The following OSBPL9 variants were observed in gnomAD, a reference collection of about 807,000 sequenced individuals.
OSBPL9 encodes oxysterol binding protein like 9, also known as oxysterol-binding protein-related protein 9.
Under a neutral mutation model 106.6 loss-of-function variants are expected in OSBPL9, and 40 were observed. The ratio of observed to expected loss-of-function variants is 0.38; its 90% CI spans 0.29 to 0.49. OSBPL9 has a LOEUF of 0.49. Among genes scored for constraint, OSBPL9 ranks in the 20% least tolerant of loss-of-function variants. The pLI is 0.97. For missense variants in OSBPL9, 609 were observed against 887.2 expected (o/e 0.69, Z 3.98); for synonymous variants, 269 against 295.4 (o/e 0.91, Z 0.92).
At chr1:51,542,613 C>T in the OSBPL9 span, among the ~76,000 whole-genome samples, 264 of 152,314 alleles carry the variant, frequency 1.7e-3, no homozygotes, top group African/African-American at 6.3e-3. Context: ...GGAATAATTA[C>T]CATGTGCCAG....
At chr1:51,702,981 C>G (rs974270013) in intron 3 of OSBPL9, among the ~76,000 whole-genome samples, 1 of 152,124 alleles carries the variant, frequency 6.6e-6, no homozygotes, top group African/African-American at 2.4e-5. Context: ...TCTGAGGGCT[C>G]TGTTCTGTTC....
chr1:51,751,446 T>C (rs1299661383), intron 8 of OSBPL9, among the ~76,000 whole-genome samples: 1 of 152,078 alleles, frequency 6.6e-6, no homozygotes, highest in Admixed American at 6.5e-5. Context: ...CCTATGTATG[T>C]GTCTAAATTT....
At chr1:51,546,597 T>C in the OSBPL9 span, among the ~76,000 whole-genome samples, 5 of 151,188 alleles carry the variant, frequency 3.3e-5, no homozygotes, top group Non-Finnish European at 7.4e-5. Flanking sequence ...CTCAGGAGGC[T>C]GAGACAGGAG....
chr1:51,772,011 C>A, intron 12 of OSBPL9, 59 bp from the exon 13 acceptor site: 2 of 1,299,004 alleles, frequency 1.5e-6, no homozygotes, highest in Non-Finnish European at 2.2e-6. Flanking sequence ...ACGAGTCTAG[C>A]TTACTATGAT....
At chr1:51,739,625 AT>A (rs1174578229) in intron 4 of OSBPL9, among the ~76,000 whole-genome samples, 1 of 151,918 alleles carries the variant, frequency 6.6e-6, no homozygotes, top group African/African-American at 2.4e-5. Flanking sequence ...TTTTATGGAT[AT>A]TTTTTAATTG....
At chr1:51,607,007 G>A (rs900761635) in intron 2 of OSBPL9, among the ~76,000 whole-genome samples, 1 of 150,570 alleles carries the variant, frequency 6.6e-6, no homozygotes, top group Non-Finnish European at 1.5e-5. Context: ...CCGAGATCGC[G>A]CCACTGCACT....
At chr1:51,720,613 G>A (rs1048611096) in intron 4 of OSBPL9, among the ~76,000 whole-genome samples, 35 of 151,570 alleles carry the variant, frequency 2.3e-4, no homozygotes, top group African/African-American at 8.0e-4. Flanking sequence ...GTGAGCCACC[G>A]CGCCTGACTG....
At chr1:51,676,438 A>C (rs1383386624) in intron 3 of OSBPL9, among the ~76,000 whole-genome samples, 1 of 152,000 alleles carries the variant, frequency 6.6e-6, no homozygotes, top group Non-Finnish European at 1.5e-5. Context: ...TCAAAAAAAA[A>C]CGGAATTAAT....
rs57886494 is a variant in OSBPL9 at position 51,737,545 on chromosome 1, GGTGTGTGTGTGTGTGT to G, written c.319-7968_319-7953del. Among the ~76,000 whole-genome samples, 16 of 142,534 alleles carry G rather than the reference GGTGTGTGTGTGTGTGT, an allele frequency of 1.1e-4. No individual in the cohort carries two copies. In the South Asian group the frequency reaches 2.1e-3, roughly 18 times the overall value. The allele number at this position is 142,534 out of a possible 152,430, so 93.5% of individuals were successfully genotyped here. ...TTTGTTTCATGTGTTATATTTCAGG[GGTGTGTGTGTGTGTGT>G]GTGTGTGTGTGTGTGTGTGTGTACA... On this transcript the variant is annotated intron_variant, in intron 4 of 23. Transcript: ENST00000428468.
At chr1:51,749,576 A>G (rs943006013) in intron 7 of OSBPL9, 1 of 396,074 alleles carries the variant, frequency 2.5e-6, no homozygotes, top group Non-Finnish European at 5.3e-6. Flanking sequence ...CTACCAAAGC[A>G]GTGGGATTAC....
intron 1 of OSBPL9, among the ~76,000 whole-genome samples, chr1:51,628,684 CTTTTTTTT>C (rs909175159): frequency 3.0e-5 from 4 of 134,466 alleles, no homozygotes; most frequent in Non-Finnish European, 4.8e-5. Flanking sequence ...TTCTTTTTTT[CTTTTTTTT>C]TTTTTTTTTG....
the OSBPL9 span, among the ~76,000 whole-genome samples, chr1:51,532,278 T>C: frequency 2.0e-5 from 3 of 152,158 alleles, no homozygotes; most frequent in Non-Finnish European, 2.9e-5. Flanking sequence ...GTTTCTTTTC[T>C]TAAGGTGAGC....
At chr1:51,772,779 C>A in intron 14 of OSBPL9, 56 bp downstream of exon 14, 1 of 1,170,886 alleles carries the variant, frequency 8.5e-7, no homozygotes. Context: ...TCAGTGATTG[C>A]GTGGTGAGTG....
chr1:51,640,900 C>T (rs1355935784), intron 1 of OSBPL9, among the ~76,000 whole-genome samples: 2 of 151,718 alleles, frequency 1.3e-5, no homozygotes, highest in Admixed American at 1.3e-4. Context: ...CCTTCCACCG[C>T]AGCCCCCTGA....
intron 3 of OSBPL9, among the ~76,000 whole-genome samples, chr1:51,697,477 A>G (rs369076809): frequency 1.5e-5 from 1 of 66,884 alleles, no homozygotes; most frequent in African/African-American, 6.3e-5. Context: ...TTTTTTTTTT[A>G]CTTAAATTGC....
At chr1:51,689,198 T>C (rs753842270) in intron 3 of OSBPL9, among the ~76,000 whole-genome samples, 6 of 152,178 alleles carry the variant, frequency 3.9e-5, no homozygotes, top group Non-Finnish European at 5.9e-5. Context: ...TCAGTCATGG[T>C]AATTTCTTAT....
rs1443729228 is a variant in OSBPL9, at chr1:51,761,769, T to G, written c.674-98T>G. ...ACTTAATGAAATAAAGTTTCAAAAA[T>G]TACTGGCCTTTAGGATTTTGAATCC... is the stretch of plus-strand genomic sequence containing the variant. On this transcript the variant is annotated intron_variant, in intron 10 of 23. Coordinates refer to ENST00000428468, the MANE Select transcript of OSBPL9 (RefSeq NM_024586.6). The G allele has an allele frequency of 1.3e-5, 12 of 916,266 alleles. No individual in the cohort carries two copies. The East Asian group carries it at 3.0e-4, about 23-fold the overall frequency. The allele number at this position is 916,266 out of a possible 1,614,324, so 56.8% of individuals were successfully genotyped here. A position where few individuals can be genotyped will look rare whatever the true frequency, so the allele number is the denominator to read the frequency against.
chr1:51,729,817 A>AG lies in OSBPL9; in HGVS notation c.319-15714dup, dbSNP rs1306206174. On this transcript the variant is annotated intron_variant, in intron 4 of 23. Transcript: ENST00000428468. The surrounding 1 kb of genome is among the most constrained non-coding windows in gnomAD (Gnocchi z 5.1). Reference sequence around the variant, plus strand: ...GGGACGGGAAAGGGGTGGGGGGTGAAGGGGGTGAAGGGGGTGTCCCGGGGG... The same window carrying AG: ...GGGACGGGAAAGGGGTGGGGGGTGAAGGGGGGTGAAGGGGGTGTCCCGGGGG... 3.3e-5 allele frequency: 37 copies of AG among 1,136,208 alleles called. No individual in the cohort carries two copies. The African/African-American group carries it at 4.2e-4, about 13-fold the overall frequency. The allele number at this position is 1,136,208 out of a possible 1,614,324, so 70.4% of individuals were successfully genotyped here.
chr1:51,769,750 A>AT (rs977669606), intron 12 of OSBPL9, among the ~76,000 whole-genome samples: 5 of 151,716 alleles, frequency 3.3e-5, no homozygotes, highest in Admixed American at 6.6e-5. Context: ...AATTTATCCC[A>AT]TTTTTTTTCA....
Sources: allele counts gnomAD v4.1 joint callset (sites outside exome capture counted in the v4.1 genomes callset), GRCh38; gene constraint gnomAD v4.1.1; non-coding constraint Gnocchi (gnomAD v3.1); transcripts MANE v1.5; gene names NCBI Gene and HGNC (gene_info 2026-07-23, HGNC 2026-07-21).